Variants in GRID2 observed in about 807,000 individuals in gnomAD.
The protein encoded by GRID2 is glutamate ionotropic receptor delta type subunit 2.
GRID2 carries 33 observed loss-of-function variants against 114.8 expected under a neutral mutation model. The observed-to-expected ratio is 0.29, with a 90% confidence interval of 0.22 to 0.38. The LOEUF (loss-of-function observed/expected upper bound fraction) is 0.38. GRID2 is among the 10% of genes least tolerant of loss of function. The pLI is 1.00. For missense variants in GRID2, 1,184 were observed against 1,257.7 expected, an observed-to-expected ratio of 0.94 and a Z score of 0.89; for synonymous variants, 505 against 449.9, an observed-to-expected ratio of 1.12 and a Z score of -1.55.
Position 92,785,894 on chromosome 4 carries a change from G to A in GRID2, c.244+195608G>A, listed in dbSNP as rs927205395. Among the ~76,000 whole-genome samples the A allele has an allele frequency of 3.3e-5, 5 of 151,682 alleles. No homozygotes were observed. In the South Asian group the frequency reaches 1.0e-3, roughly 31 times the overall value. ...AATTGACATTTCAATACCTGATCAT[G>A]GAAGCGTTTCTTGTTTTGAAAATGA... On this transcript the variant is annotated intron_variant, in intron 2 of 15. Coordinates refer to ENST00000282020, the MANE Select transcript of GRID2 (RefSeq NM_001510.4).
chr4:92,603,107 T>A (rs887103033), intron 2 of GRID2, among the ~76,000 whole-genome samples: 2 of 152,162 alleles, frequency 1.3e-5, no homozygotes, highest in African/African-American at 4.8e-5. Context: ...ATCAATATTA[T>A]GAAAATGGCC....
intron 4 of GRID2, among the ~76,000 whole-genome samples, chr4:93,162,330 A>G (rs1160832355): frequency 6.6e-6 from 1 of 152,012 alleles, no homozygotes; most frequent in Non-Finnish European, 1.5e-5. Flanking sequence ...GCTGAATTAA[A>G]TTAGTTACAA....
intron 10 of GRID2, among the ~76,000 whole-genome samples, chr4:93,431,125 A>G (rs1769366474): frequency 6.6e-6 from 1 of 152,210 alleles, no homozygotes; most frequent in Non-Finnish European, 1.5e-5. Flanking sequence ...TCATCAGTTC[A>G]TAGTACAAAT....
chr4:92,994,736 G>T (rs926860424), intron 2 of GRID2, among the ~76,000 whole-genome samples: 4 of 152,150 alleles, frequency 2.6e-5, no homozygotes, highest in Non-Finnish European at 4.4e-5. Flanking sequence ...TCAAGTTGAT[G>T]AAAGGCCATG....
intron 8 of GRID2, among the ~76,000 whole-genome samples, chr4:93,269,319 A>G (rs1341068337): frequency 1.3e-5 from 2 of 152,188 alleles, no homozygotes; most frequent in East Asian, 3.8e-4. Context: ...GTTTTTGGTT[A>G]ATTTTATTTT....
At chr4:93,379,485 A>G (rs1039655807) in intron 8 of GRID2, among the ~76,000 whole-genome samples, 1 of 152,076 alleles carries the variant, frequency 6.6e-6, no homozygotes, top group Non-Finnish European at 1.5e-5. Flanking sequence ...AAGGGGAGAG[A>G]TCTTTTCCTA....
intron 2 of GRID2, among the ~76,000 whole-genome samples, chr4:93,083,180 T>G (rs569679641): frequency 8.5e-5 from 13 of 152,286 alleles, no homozygotes; most frequent in African/African-American, 3.1e-4. Context: ...AACCAAAATC[T>G]CTTCTAAAAA....
At chr4:92,964,965 C>G (rs986953134) in intron 2 of GRID2, among the ~76,000 whole-genome samples, 5 of 151,972 alleles carry the variant, frequency 3.3e-5, no homozygotes, top group African/African-American at 1.2e-4. Context: ...ACAACTTGCT[C>G]AACTCCTCGA....
chr4:93,736,648 G>C (rs1277874705), intron 14 of GRID2, among the ~76,000 whole-genome samples: 1 of 151,614 alleles, frequency 6.6e-6, no homozygotes, highest in Non-Finnish European at 1.5e-5. Flanking sequence ...AAATAATAAT[G>C]GTTTGCTATT....
At chr4:93,290,159 T>A (rs1753584619) in intron 8 of GRID2, among the ~76,000 whole-genome samples, 1 of 152,144 alleles carries the variant, frequency 6.6e-6, no homozygotes, top group Non-Finnish European at 1.5e-5. Flanking sequence ...AAAATGACAA[T>A]CTCTTTACAG....
chr4:93,195,910 T>C (rs1327311276), intron 4 of GRID2, among the ~76,000 whole-genome samples: 1 of 152,214 alleles, frequency 6.6e-6, no homozygotes, highest in African/African-American at 2.4e-5. Context: ...TGACTTCGAA[T>C]GTTCTTGCTT....
chr4:93,112,489 C>G (rs1304405201), intron 4 of GRID2, among the ~76,000 whole-genome samples: 1 of 152,150 alleles, frequency 6.6e-6, no homozygotes, highest in Non-Finnish European at 1.5e-5. Flanking sequence ...TGCGCTCTGA[C>G]TCTCTCCTGC....
intron 4 of GRID2, among the ~76,000 whole-genome samples, chr4:93,197,281 A>G (rs547634093): frequency 6.6e-6 from 1 of 152,172 alleles, no homozygotes; most frequent in African/African-American, 2.4e-5. Context: ...TTTGTAGAAC[A>G]TATCTTTACT....
At chr4:92,363,188 C>T (rs529998695) in intron 1 of GRID2, among the ~76,000 whole-genome samples, 6 of 152,086 alleles carry the variant, frequency 3.9e-5, no homozygotes, top group African/African-American at 7.2e-5. Context: ...AGATGCCACA[C>T]CAGATGTACC....
At chr4:93,678,402 A>G (rs907308676) in intron 14 of GRID2, among the ~76,000 whole-genome samples, 1 of 152,144 alleles carries the variant, frequency 6.6e-6, no homozygotes, top group African/African-American at 2.4e-5. Context: ...GCAGGCCAAC[A>G]TTCAGATTCA....
chr4:93,795,461 A>G (rs1410171753), intron 1 of GRID2, among the ~76,000 whole-genome samples: 1 of 152,150 alleles, frequency 6.6e-6, no homozygotes, highest in East Asian at 1.9e-4. Context: ...CAATAAACAG[A>G]AAGGCAGTAG....
At chr4:92,384,552 ATATT>A (rs1315560583) in intron 1 of GRID2, among the ~76,000 whole-genome samples, 1,479 of 53,142 alleles carry the variant, frequency 0.028, 106 homozygotes, top group African/African-American at 0.1. Context: ...TATATAATAT[ATATT>A]ATATATAATA....
intron 2 of GRID2, among the ~76,000 whole-genome samples, chr4:92,911,115 G>T (rs1374806852): frequency 6.6e-6 from 1 of 151,290 alleles, no homozygotes; most frequent in South Asian, 2.1e-4. Context: ...TTTCATTATT[G>T]GATTGATTCA....
At chr4:92,781,701 A>G (rs996930533) in intron 2 of GRID2, among the ~76,000 whole-genome samples, 7 of 152,046 alleles carry the variant, frequency 4.6e-5, no homozygotes, top group Non-Finnish European at 8.8e-5. Flanking sequence ...TCAGTAATAG[A>G]AAGGAGCTAT....
Sources: gnomAD v4.1 joint callset for allele counts (sites outside exome capture counted in the v4.1 genomes callset) on GRCh38, gnomAD v4.1.1 for gene constraint, MANE v1.5 for transcripts, NCBI Gene and HGNC (gene_info 2026-07-23, HGNC 2026-07-21) for gene names.